SLC12A8: variants seen among roughly 807,000 people sequenced by gnomAD.
SLC12A8 encodes cation-chloride cotransporter 9.
A neutral mutation model predicts 75.6 loss-of-function variants in SLC12A8; 69 were observed. The ratio of observed to expected loss-of-function variants is 0.91; its 90% CI spans 0.75 to 1.11. The LOEUF is 1.11. Among genes scored for constraint, SLC12A8 ranks in the 50% most tolerant of loss-of-function variants. The probability of loss-of-function intolerance (pLI) is 0.00; values close to 1 mark genes in which losing one functional copy is unlikely to be tolerated. For missense variants in SLC12A8, 877 were observed against 896.7 expected (o/e 0.98, Z 0.28); for synonymous variants, 365 against 372.8 (o/e 0.98, Z 0.24).
intron 6 of SLC12A8, among the ~76,000 whole-genome samples, chr3:125,134,537 G>T (rs1933441794): frequency 6.6e-6 from 1 of 152,148 alleles, no homozygotes; most frequent in Non-Finnish European, 1.5e-5. Context: ...AAGCTGCTTG[G>T]AAGTTCATGT....
intron 5 of SLC12A8, among the ~76,000 whole-genome samples, chr3:125,146,024 C>A (rs1226095922): frequency 6.6e-6 from 1 of 152,196 alleles, no homozygotes; most frequent in Non-Finnish European, 1.5e-5. Context: ...GAGACAGGGT[C>A]TCACTTTGTT....
chr3:125,135,970 G>C (rs754479272), intron 5 of SLC12A8, among the ~76,000 whole-genome samples, 188 bp from the exon 6 acceptor site: 3 of 152,136 alleles, frequency 2.0e-5, no homozygotes, highest in Middle Eastern at 3.2e-3. Context: ...ACTTTTGTGT[G>C]CTGATCCCAT....
At chr3:125,177,653 G>T in intron 5 of SLC12A8, 90 bp downstream of exon 5, 1 of 902,788 alleles carries the variant, frequency 1.1e-6, no homozygotes, top group South Asian at 1.5e-5. Flanking sequence ...TGGGGGTTAG[G>T]GGGAGATGGG....
chr3:125,162,200 T>A (rs757634389), intron 5 of SLC12A8, among the ~76,000 whole-genome samples: 6 of 152,254 alleles, frequency 3.9e-5, no homozygotes, highest in Non-Finnish European at 8.8e-5. Flanking sequence ...CTTTCTCTTG[T>A]ACTTCTTTTA....
intron 6 of SLC12A8, among the ~76,000 whole-genome samples, chr3:125,132,783 G>A (rs1030172219): frequency 1.3e-5 from 2 of 152,184 alleles, no homozygotes; most frequent in African/African-American, 4.8e-5. Flanking sequence ...AAGCATGGAT[G>A]AGACTCCAAG....
intron 4 of SLC12A8, among the ~76,000 whole-genome samples, chr3:125,180,235 G>A: frequency 6.6e-6 from 1 of 152,162 alleles, no homozygotes; most frequent in East Asian, 1.9e-4. Context: ...AGGGCATGGT[G>A]GTTAGGAGCA....
chr3:125,212,399 GCAGGCCGCCCCGCA>G (rs940645356), intron 1 of SLC12A8, among the ~76,000 whole-genome samples: 7 of 151,428 alleles, frequency 4.6e-5, no homozygotes, highest in African/African-American at 1.7e-4. Context: ...CGCGGCCTCC[GCAGGCCGCCCCGCA>G]GGCCTCCGCC....
intron 2 of SLC12A8, among the ~76,000 whole-genome samples, chr3:125,198,980 G>T (rs184015960): frequency 6.6e-6 from 1 of 151,888 alleles, no homozygotes; most frequent in Non-Finnish European, 1.5e-5. Flanking sequence ...GGGTTTCACC[G>T]TGTTAGCCAG....
intron 10 of SLC12A8, 57 bp from the exon 11 acceptor site, chr3:125,092,255 T>C (rs936532439): frequency 3.3e-6 from 4 of 1,219,300 alleles, no homozygotes; most frequent in Non-Finnish European, 4.8e-6. Context: ...TACTGTTTTT[T>C]AGGAAAATAT....
At chr3:125,172,252 T>C (rs13320357) in intron 5 of SLC12A8, among the ~76,000 whole-genome samples, 49,584 of 149,044 alleles carry the variant, frequency 0.33, 8,511 homozygotes, top group Middle Eastern at 0.45. Flanking sequence ...CCGGCCTGGG[T>C]GACAAGCACA....
intron 6 of SLC12A8, among the ~76,000 whole-genome samples, chr3:125,126,920 A>C (rs537332429): frequency 1.2e-3 from 185 of 151,548 alleles, no homozygotes; most frequent in Non-Finnish European, 2.0e-3. Context: ...AAAGGGATCT[A>C]TTACTGTTTG....
At chr3:125,192,175 G>A (rs1934920590) in intron 2 of SLC12A8, among the ~76,000 whole-genome samples, 1 of 151,998 alleles carries the variant, frequency 6.6e-6, no homozygotes, top group Non-Finnish European at 1.5e-5. Flanking sequence ...GTGACTCTCA[G>A]CAACAAAAAG....
At chr3:125,120,539 C>G in intron 7 of SLC12A8, 60 bp downstream of exon 7, 1 of 1,249,940 alleles carries the variant, frequency 8.0e-7, no homozygotes, top group East Asian at 2.4e-5. Context: ...AATCCCTCTT[C>G]TGCCTGGGGT....
chr3:125,132,351 C>T (rs544134442), intron 6 of SLC12A8, among the ~76,000 whole-genome samples: 3 of 152,226 alleles, frequency 2.0e-5, no homozygotes, highest in African/African-American at 7.2e-5. Context: ...GTTCCAGGCT[C>T]ATTTCCATGG....
intron 10 of SLC12A8, among the ~76,000 whole-genome samples, chr3:125,096,815 T>C (rs1938723131): frequency 6.8e-6 from 1 of 146,456 alleles, no homozygotes; most frequent in Admixed American, 6.9e-5. Flanking sequence ...TGTATAGTTT[T>C]AACAATTTAA....
At chr3:125,191,387 T>A (rs575616843) in intron 2 of SLC12A8, among the ~76,000 whole-genome samples, 3 of 152,012 alleles carry the variant, frequency 2.0e-5, no homozygotes, top group South Asian at 4.2e-4. Context: ...ACACTGTGAA[T>A]GCTCTTATGT....
intron 3 of SLC12A8, among the ~76,000 whole-genome samples, chr3:125,188,495 G>A (rs1579534977): frequency 6.6e-6 from 1 of 152,200 alleles, no homozygotes; most frequent in Non-Finnish European, 1.5e-5. Context: ...TTAAATGCTT[G>A]TTGAGCGAAT....
intron 1 of SLC12A8, among the ~76,000 whole-genome samples, chr3:125,211,957 C>A (rs989682868): frequency 1.3e-5 from 2 of 152,084 alleles, no homozygotes; most frequent in Non-Finnish European, 1.5e-5. Flanking sequence ...CTCAACCCAC[C>A]CCCAGGCACC....
At chr3:125,130,094 C>T (rs1257292938) in intron 6 of SLC12A8, among the ~76,000 whole-genome samples, 1 of 152,186 alleles carries the variant, frequency 6.6e-6, no homozygotes, top group Non-Finnish European at 1.5e-5. Flanking sequence ...GGCAGAGAGG[C>T]CTGTGTAGTT....
Sources: allele counts gnomAD v4.1 joint callset (sites outside exome capture counted in the v4.1 genomes callset), GRCh38; gene constraint gnomAD v4.1.1; transcripts MANE v1.5; gene names NCBI Gene and HGNC (gene_info 2026-07-23, HGNC 2026-07-21).